PSMB2: variants seen among roughly 807,000 people sequenced by gnomAD.
PSMB2 encodes proteasome subunit beta type-2.
PSMB2 carries 13 observed loss-of-function variants against 25.7 expected under a neutral mutation model. The ratio of observed to expected loss-of-function variants is 0.51; its 90% CI spans 0.33 to 0.80. PSMB2 has a LOEUF of 0.80. PSMB2 is among the 30% of genes least tolerant of loss of function. The probability of loss-of-function intolerance (pLI) is 0.02; values close to 1 mark genes in which losing one functional copy is unlikely to be tolerated. For missense variants in PSMB2, 202 were observed against 259.0 expected, an observed-to-expected ratio of 0.78 and a Z score of 1.51; for synonymous variants, 87 against 96.2, an observed-to-expected ratio of 0.90 and a Z score of 0.56.
Position 35,608,934 on chromosome 1 carries a change from T to C in PSMB2, c.448+312A>G, listed in dbSNP as rs535224732. Reference sequence around the variant, plus strand: ...GTGAAAAAACTTGAACTCTTAGAAATGAAGGATTTTAGAACCCAATAAAAA... The same window carrying C: ...GTGAAAAAACTTGAACTCTTAGAAACGAAGGATTTTAGAACCCAATAAAAA... On this transcript the variant is annotated intron_variant, in intron 4 of 5. Coordinates refer to ENST00000373237, the MANE Select transcript of PSMB2 (RefSeq NM_002794.5). 2.6e-5 allele frequency among the ~76,000 whole-genome samples: 4 copies of C among 152,352 alleles called. No homozygotes were observed. The South Asian group carries it at 6.2e-4, about 24-fold the overall frequency.
rs1041131178 is a variant in PSMB2 at position 35,599,627 on chromosome 1, A to G, written c.*3640T>C. ...CGGAGAGGATTATGGAATGCCTAGC[A>G]TGTCAAATCAAAGAATTGGGCTTTA... On this transcript the variant is annotated 3_prime_UTR_variant, in exon 6 of 6. Coordinates refer to ENST00000373237, the MANE Select transcript of PSMB2 (RefSeq NM_002794.5). 1 of 984,152 alleles carries G rather than the reference A, an allele frequency of 1.0e-6. No individual in the cohort carries two copies. Among genetic ancestry groups the G allele is most frequent in the Non-Finnish European group, 1.2e-6 (1 of 828,754 alleles). The allele number at this position is 984,152 out of a possible 1,614,324, so 61.0% of individuals were successfully genotyped here. A position where few individuals can be genotyped will look rare whatever the true frequency, so the allele number is the denominator to read the frequency against.
intron 3 of PSMB2, among the ~76,000 whole-genome samples, chr1:35,624,896 A>G (rs901521408): frequency 1.3e-4 from 20 of 152,138 alleles, no homozygotes; most frequent in African/African-American, 4.3e-4. Flanking sequence ...CCCCGTCTCT[A>G]CTAAAAATAC....
intron 1 of PSMB2, 70 bp from the exon 2 acceptor site, chr1:35,636,502 T>G: frequency 6.5e-7 from 1 of 1,540,376 alleles, no homozygotes; most frequent in Non-Finnish European, 8.8e-7. Context: ...TATGTAACCA[T>G]AAACAGGTTT....
chr1:35,608,019 G>A (rs1463333666), intron 4 of PSMB2, among the ~76,000 whole-genome samples: 1 of 152,162 alleles, frequency 6.6e-6, no homozygotes, highest in Non-Finnish European at 1.5e-5. Context: ...GTAGAATAGA[G>A]GATACTAGAG....
chr1:35,609,669 G>C (rs1289560368), intron 3 of PSMB2, among the ~76,000 whole-genome samples: 1 of 152,192 alleles, frequency 6.6e-6, no homozygotes, highest in East Asian at 1.9e-4. Context: ...TCTTCTTAAA[G>C]TCTATGGATG....
chr1:35,640,082 A>ATACTATACTATACTATACTGTACTG (rs1651351601), intron 1 of PSMB2, among the ~76,000 whole-genome samples: 3 of 146,150 alleles, frequency 2.1e-5, no homozygotes, highest in African/African-American at 8.1e-5. Flanking sequence ...ATACTATACT[A>ATACTATACTATACTATACTGTACTG]TACTATACTA....
intron 3 of PSMB2, among the ~76,000 whole-genome samples, chr1:35,623,535 T>A (rs1161244803): frequency 6.6e-6 from 1 of 152,232 alleles, no homozygotes; most frequent in Non-Finnish European, 1.5e-5. Context: ...CCAGGCTGTG[T>A]GGCAGCAGTG....
At chr1:35,636,557 C>A in intron 1 of PSMB2, 125 bp from the exon 2 acceptor site, 3 of 1,032,124 alleles carry the variant, frequency 2.9e-6, no homozygotes, top group East Asian at 3.0e-5. Context: ...ATTCTGAATC[C>A]ACAATTCAAC....
At chr1:35,631,177 A>C in intron 3 of PSMB2, 97 bp downstream of exon 3, 1 of 1,322,878 alleles carries the variant, frequency 7.6e-7, no homozygotes, top group Non-Finnish European at 1.1e-6. Context: ...CTGGAAGGCC[A>C]AAAAAGGGCA....
At chr1:35,632,730 C>A (rs1015499930) in intron 2 of PSMB2, among the ~76,000 whole-genome samples, 1 of 151,926 alleles carries the variant, frequency 6.6e-6, no homozygotes, top group East Asian at 1.9e-4. Context: ...CCCGTCTCTA[C>A]TAAAAATATA....
At chr1:35,634,972 G>A (rs1413565135) in intron 2 of PSMB2, among the ~76,000 whole-genome samples, 2 of 151,986 alleles carry the variant, frequency 1.3e-5, no homozygotes. Context: ...AAACTTTTTT[G>A]TAGAAGGCCG....
At chr1:35,641,319 G>C (rs1486884858) in intron 1 of PSMB2, 23 bp downstream of exon 1, 1 of 1,613,782 alleles carries the variant, frequency 6.2e-7, no homozygotes, top group East Asian at 2.2e-5. Context: ...AGGCCTGGCC[G>C]GGCCTCCCCT....
chr1:35,599,806 T>C lies in PSMB2; in HGVS notation c.*3461A>G, dbSNP rs547383449. On this transcript the variant is annotated 3_prime_UTR_variant, in exon 6 of 6. Coordinates refer to ENST00000373237, the MANE Select transcript of PSMB2 (RefSeq NM_002794.5). The stretch of plus-strand genomic sequence containing the variant: ...GGCTGTTAAATAGTCTAAGAAACGA[T>C]AGGGGGTGAACCAGAGTAATGGGGA... The C allele has an allele frequency of 4.6e-5, 45 of 984,948 alleles. No individual in the cohort carries two copies. The South Asian group carries it at 1.1e-3, about 24-fold the overall frequency. 61.0% of individuals were successfully genotyped at this position (984,948 alleles called of 1,614,324 possible). A position where few individuals can be genotyped will look rare whatever the true frequency, so the allele number is the denominator to read the frequency against.
chr1:35,620,629 G>A (rs1263095441), intron 3 of PSMB2, among the ~76,000 whole-genome samples: 1 of 151,426 alleles, frequency 6.6e-6, no homozygotes, highest in Non-Finnish European at 1.5e-5. Context: ...TCAGGAGGCT[G>A]AGGCAGGAGA....
intron 3 of PSMB2, among the ~76,000 whole-genome samples, chr1:35,616,057 T>TA (rs768445881): frequency 3.3e-5 from 5 of 151,550 alleles, no homozygotes; most frequent in African/African-American, 7.2e-5. Context: ...TTTACAGACT[T>TA]AGATAGGATA....
At chr1:35,620,051 G>A (rs183103647) in intron 3 of PSMB2, among the ~76,000 whole-genome samples, 1 of 152,218 alleles carries the variant, frequency 6.6e-6, no homozygotes, top group East Asian at 1.9e-4. Context: ...CAGAAACCAT[G>A]CTTTGCTACA....
intron 3 of PSMB2, among the ~76,000 whole-genome samples, chr1:35,622,609 A>G (rs534332875): frequency 7.2e-5 from 11 of 152,244 alleles, no homozygotes; most frequent in Admixed American, 5.2e-4. Context: ...CCAGCCATCC[A>G]ATAGGCTTAT....
chr1:35,619,657 C>G (rs544789233), intron 3 of PSMB2, among the ~76,000 whole-genome samples: 1 of 152,280 alleles, frequency 6.6e-6, no homozygotes, highest in South Asian at 2.1e-4. Context: ...TAAAGGTCTC[C>G]TCAGTAATTC....
intron 2 of PSMB2, among the ~76,000 whole-genome samples, chr1:35,632,586 A>G (rs1353492434): frequency 1.3e-5 from 2 of 152,226 alleles, no homozygotes; most frequent in Non-Finnish European, 2.9e-5. Context: ...ATTAGTGCAT[A>G]TTAAATCATA....
Sources: gnomAD v4.1 joint callset for allele counts (sites outside exome capture counted in the v4.1 genomes callset) on GRCh38, gnomAD v4.1.1 for gene constraint, MANE v1.5 for transcripts, NCBI Gene and HGNC (gene_info 2026-07-23, HGNC 2026-07-21) for gene names.